Variants in API5 observed in about 807,000 individuals in gnomAD.
API5 encodes the protein FIF.
In API5, 6 loss-of-function variants were observed where a neutral mutation model predicts 71.9. The ratio of observed to expected loss-of-function variants is 0.08; its 90% CI spans 0.05 to 0.16. The LOEUF (loss-of-function observed/expected upper bound fraction) is 0.16, where lower values mean the gene tolerates loss of function less well. Among genes scored for constraint, API5 ranks in the 10% least tolerant of loss-of-function variants. The pLI is 1.00. For synonymous variants in API5, 189 were observed against 221.3 expected, an observed-to-expected ratio of 0.85 and a Z score of 1.30; for missense variants, 332 against 612.8, an observed-to-expected ratio of 0.54 and a Z score of 4.84.
At position 43,312,181 on chromosome 11, in the gene API5, G is replaced by A; in HGVS notation, c.54G>A (p.Thr18=). 1 of 1,613,900 alleles carries A rather than the reference G, an allele frequency of 6.2e-7. No individual in the cohort carries two copies. Among genetic ancestry groups the A allele is most frequent in the Non-Finnish European group, 8.5e-7 (1 of 1,179,894 alleles). ...ATTATGGCATCCTGGCCGATGCCACGGAGCAAGTGGGCCAGGTGAGTTGAG... is the reference window on the plus strand; with the variant it reads ...ATTATGGCATCCTGGCCGATGCCACAGAGCAAGTGGGCCAGGTGAGTTGAG... The part of the protein sequence containing the change: ...YRNYGILADA[T]EQVGQHKDAY... The change falls in exon 1 of 14, where the codon ACG becomes ACA. Residue 18 remains threonine, a synonymous_variant. Coordinates refer to ENST00000531273, the MANE Select transcript of API5 (RefSeq NM_001142930.2).
Position 43,327,824 on chromosome 11 carries a change from T to G in API5, c.891T>G (p.Cys297Trp). Residue 297 changes from cysteine (C) to tryptophan (W), a missense_variant, in exon 8 of 14, where the codon TGT (cysteine) becomes TGG (tryptophan). Around this residue, in one of 3 missense-constraint regions of API5, gnomAD observed 168 missense variants for 343.9 expected, o/e 0.49. Coordinates refer to ENST00000531273, the MANE Select transcript of API5 (RefSeq NM_001142930.2). Reference sequence around the variant, plus strand: ...TGTTGGCGGAGATGAGTTCATTTTGTGGTGACATGGAAAAACTAGAAACAA... The same window carrying G: ...TGTTGGCGGAGATGAGTTCATTTTGGGGTGACATGGAAAAACTAGAAACAA... ...LKLLAEMSSF[C>W]GDMEKLETNL... is the part of the protein sequence containing the mutation. 1.9e-6 allele frequency: 3 copies of G among 1,612,574 alleles called. No homozygotes were observed. The highest frequency in any genetic ancestry group is 2.2e-5 in the South Asian group (2 of 90,788).
intron 1 of API5, among the ~76,000 whole-genome samples, chr11:43,312,808 A>C (rs1284028794): frequency 6.6e-6 from 1 of 152,112 alleles, no homozygotes; most frequent in East Asian, 1.9e-4. Context: ...GAGTGTAGTA[A>C]GAAAGATAGG....
chr11:43,312,670 A>T (rs757001121), intron 1 of API5, among the ~76,000 whole-genome samples: 7 of 152,108 alleles, frequency 4.6e-5, no homozygotes, highest in Non-Finnish European at 7.4e-5. Context: ...GAAACAGAAG[A>T]GGGACTCTTT....
At chr11:43,313,732 TCTG>T (rs1854574327) in intron 1 of API5, among the ~76,000 whole-genome samples, 1 of 152,192 alleles carries the variant, frequency 6.6e-6, no homozygotes, top group African/African-American at 2.4e-5. Flanking sequence ...ATACGGATGT[TCTG>T]CTGTACATGT....
intron 1 of API5, among the ~76,000 whole-genome samples, chr11:43,314,670 C>T (rs1368064057): frequency 6.6e-6 from 1 of 152,180 alleles, no homozygotes; most frequent in East Asian, 1.9e-4. Context: ...TGACAACTGT[C>T]AAGCAACTAT....
rs762780384 is a variant in API5 at position 43,318,515 on chromosome 11, A to G, written c.70-125A>G. ...TCAGTTTGAGCAGTAAACCTCCCAA[A>G]ATCAGCTTTATTTCTTAGCCTGTGT... On this transcript the variant is annotated intron_variant, in intron 1 of 13. Coordinates refer to ENST00000531273, the MANE Select transcript of API5 (RefSeq NM_001142930.2). 3 of 1,549,038 alleles carry G rather than the reference A, an allele frequency of 1.9e-6. No individual in the cohort carries two copies. The South Asian group carries it at 3.5e-5, about 18-fold the overall frequency.
In API5 at chr11:43,335,318, C is replaced by T. The variant is rs1855395978; in HGVS notation, c.1319C>T (p.Thr440Ile). 6.2e-7 allele frequency: 1 copy of T among 1,605,224 alleles called. No homozygotes were observed. The highest frequency in any genetic ancestry group is 8.5e-7 in the Non-Finnish European group (1 of 1,173,006). Reference sequence around the variant, plus strand: ...CCTCCTTCTTATAAGAGCACAGTAACACTATCCTGGAAACCTGTACAAAAG... The same window carrying T: ...CCTCCTTCTTATAAGAGCACAGTAATACTATCCTGGAAACCTGTACAAAAG... ...HIPPSYKSTV[T>I]LSWKPVQKVE... Residue 440 changes from threonine to isoleucine, a missense_variant, in exon 12 of 14, where the codon ACA becomes ATA. Transcript: ENST00000531273.
At position 43,318,632 on chromosome 11, in the gene API5, T is replaced by A. The variant is rs1448774447; in HGVS notation, c.70-8T>A. 1 of 1,610,966 alleles carries A rather than the reference T, an allele frequency of 6.2e-7. No individual in the cohort carries two copies. Among genetic ancestry groups the A allele is most frequent in the Admixed American group, 1.7e-5 (1 of 59,842 alleles). Reference sequence around the variant, plus strand: ...CATGTGTCTTTCCTGCTTTATTTTTTATTTCAGCATAAAGATGCCTATCAA... The same window carrying A: ...CATGTGTCTTTCCTGCTTTATTTTTAATTTCAGCATAAAGATGCCTATCAA... On this transcript the variant is annotated splice_polypyrimidine_tract_variant and splice_region_variant and intron_variant, in intron 1 of 13. Transcript: ENST00000531273.
rs5743212 is a variant in API5 at position 43,312,037 on chromosome 11, T to G, written c.-91T>G. 3.1e-4 allele frequency: 447 copies of G among 1,424,208 alleles called. No individual in the cohort carries two copies. The highest frequency in any genetic ancestry group is 4.0e-4 in the Non-Finnish European group (406 of 1,026,614). 88.2% of individuals were successfully genotyped at this position (1,424,208 alleles called of 1,614,324 possible). A position where few individuals can be genotyped will look rare whatever the true frequency, so the allele number is the denominator to read the frequency against. On this transcript the variant is annotated 5_prime_UTR_variant, in exon 1 of 14. Transcript: ENST00000531273. ...CTGGCGGCAGCTGGAGGTGTAATAG[T>G]GCGGGTAGTGGGTTTGGAGAAGTTC...
At chr11:43,321,343 T>C (rs1854883849) in intron 3 of API5, 68 bp from the exon 4 acceptor site, 2 of 1,329,222 alleles carry the variant, frequency 1.5e-6, no homozygotes, top group Admixed American at 3.7e-5. Flanking sequence ...TTGAATCAAG[T>C]TTGAAACTGA....
chr11:43,324,239 A>T (rs754643536), intron 6 of API5, among the ~76,000 whole-genome samples: 16 of 152,126 alleles, frequency 1.1e-4, no homozygotes, highest in Non-Finnish European at 1.9e-4. Context: ...ACTAGTCTTG[A>T]ACTCCTGAGC....
rs767043656 is a variant in API5, at chr11:43,342,733, C to T, written c.*223C>T. 1.5e-6 allele frequency: 1 copy of T among 660,744 alleles called. No homozygotes were observed. The highest frequency in any genetic ancestry group is 2.7e-6 in the Non-Finnish European group (1 of 364,456). The allele number at this position is 660,744 out of a possible 1,614,324, so 40.9% of individuals were successfully genotyped here. Reference sequence around the variant, plus strand: ...TTGGATGCTTTGTCTGCAATCTTGACTTGTTTTTGCAGTATCATTATTCAG... The same window carrying T: ...TTGGATGCTTTGTCTGCAATCTTGATTTGTTTTTGCAGTATCATTATTCAG... On this transcript the variant is annotated 3_prime_UTR_variant, in exon 14 of 14. Coordinates refer to ENST00000531273, the MANE Select transcript of API5 (RefSeq NM_001142930.2).
rs369176043 is a variant in API5 at position 43,334,403 on chromosome 11, C to T, written c.1279-875C>T. 3.7e-4 allele frequency among the ~76,000 whole-genome samples: 57 copies of T among 152,228 alleles called. No individual in the cohort carries two copies. The Middle Eastern group carries it at 0.01, about 27-fold the overall frequency. On this transcript the variant is annotated intron_variant, in intron 11 of 13. Transcript: ENST00000531273. ...TATGCAAAATCACTCCAGTTAGAAACCTCAAGCATTTTTTATTCAAAGCAT... is the reference window on the plus strand; with the variant it reads ...TATGCAAAATCACTCCAGTTAGAAATCTCAAGCATTTTTTATTCAAAGCAT...
chr11:43,324,756 C>T (rs1590360431), intron 6 of API5, among the ~76,000 whole-genome samples: 1 of 152,244 alleles, frequency 6.6e-6, no homozygotes, highest in South Asian at 2.1e-4. Context: ...TGGCTGACTG[C>T]AACCTCCACC....
At chr11:43,324,160 G>A (rs954589681) in intron 6 of API5, among the ~76,000 whole-genome samples, 1 of 152,118 alleles carries the variant, frequency 6.6e-6, no homozygotes, top group Admixed American at 6.5e-5. Context: ...TGCTACTACA[G>A]TCATGCACTA....
In API5 at chr11:43,336,392, TAGTC is replaced by T. The variant is rs138336743; in HGVS notation, c.1492+401_1492+404del. On this transcript the variant is annotated intron_variant, in intron 13 of 13. Coordinates refer to ENST00000531273, the MANE Select transcript of API5 (RefSeq NM_001142930.2). ...TAGTATAAATGCTCTTTCTTGGACATAGTCAGCCTGCTGCCTATACTCCCATCTT... is the reference window on the plus strand; with the variant it reads ...TAGTATAAATGCTCTTTCTTGGACATAGCCTGCTGCCTATACTCCCATCTT... 4.9e-3 allele frequency among the ~76,000 whole-genome samples: 750 copies of T among 152,348 alleles called. 7 individuals carry two copies. Among genetic ancestry groups the T allele is most frequent in the African/African-American group, 0.017 (711 of 41,594 alleles).
chr11:43,341,408 A>G (rs1855607492), intron 13 of API5, among the ~76,000 whole-genome samples: 1 of 152,272 alleles, frequency 6.6e-6, no homozygotes, highest in Non-Finnish European at 1.5e-5. Flanking sequence ...CTATTCAGCC[A>G]TAAAAAAAGA....
chr11:43,312,244 T>C (rs1854498311), intron 1 of API5, 48 bp downstream of exon 1: 1 of 1,587,548 alleles, frequency 6.3e-7, no homozygotes, highest in African/African-American at 1.3e-5. Flanking sequence ...CTCCGCGGCC[T>C]TTCGAAAGCG....
At chr11:43,339,707 G>C (rs1370827862) in intron 13 of API5, among the ~76,000 whole-genome samples, 1 of 152,072 alleles carries the variant, frequency 6.6e-6, no homozygotes, top group African/African-American at 2.4e-5. Context: ...TGATAAAGCA[G>C]TGAAAAAAAC....
Sources: gnomAD v4.1 joint callset for allele counts (sites outside exome capture counted in the v4.1 genomes callset) on GRCh38, gnomAD v4.1.1 for gene constraint, gnomAD v4.1.1 regional missense constraint, MANE v1.5 for transcripts, NCBI Gene and HGNC (gene_info 2026-07-23, HGNC 2026-07-21) for gene names.